Variants in HM13 observed in about 807,000 individuals in gnomAD.
HM13 encodes the protein histocompatibility minor 13, also known as signal peptide peptidase.
HM13 carries 18 observed loss-of-function variants against 50.0 expected under a neutral mutation model. That is an observed-to-expected ratio of 0.36 (90% CI 0.25 to 0.53). The LOEUF (loss-of-function observed/expected upper bound fraction) is 0.53. HM13 is among the 20% of genes least tolerant of loss of function. HM13 has a pLI of 0.90. For missense variants in HM13, 393 were observed against 552.4 expected (o/e 0.71, Z 2.89); for synonymous variants, 197 against 232.6 (o/e 0.85, Z 1.39).
At chr20:31,557,316 T>G (rs1035100494) in intron 8 of HM13, among the ~76,000 whole-genome samples, 1 of 152,200 alleles carries the variant, frequency 6.6e-6, no homozygotes. Flanking sequence ...CCACACAAAC[T>G]TCCCCTGTGT....
intron 1 of HM13, among the ~76,000 whole-genome samples, chr20:31,518,375 T>G (rs1981934102): frequency 2.0e-5 from 3 of 147,086 alleles, no homozygotes. Flanking sequence ...CCAGGCACAG[T>G]GGCTCATGCC....
intron 4 of HM13, chr20:31,547,420 C>G (rs774003924): frequency 3.0e-5 from 14 of 471,218 alleles, no homozygotes; most frequent in Non-Finnish European, 1.5e-5. Flanking sequence ...GCGTGGCGCC[C>G]GCGCCGGCCT....
At chr20:31,547,869 G>A in intron 4 of HM13, 1 of 979,918 alleles carries the variant, frequency 1.0e-6, no homozygotes, top group Non-Finnish European at 1.7e-6. Flanking sequence ...CTGGAGCTAA[G>A]CTGTACCCTG....
intron 4 of HM13, 84 bp from the exon 5 acceptor site, chr20:31,548,945 C>T (rs1252768241): frequency 8.4e-6 from 10 of 1,186,320 alleles, no homozygotes; most frequent in Non-Finnish European, 1.3e-5. Context: ...GTGCCCACAG[C>T]CATGCCCTCC....
rs199645566 is a variant in HM13, at chr20:31,518,664, AAT to A, written c.183+3933_183+3934del. Among the ~76,000 whole-genome samples the A allele has an allele frequency of 1.9e-4, 29 of 151,820 alleles. No individual in the cohort carries two copies. In the East Asian group the frequency reaches 5.1e-3, roughly 27 times the overall value. On this transcript the variant is annotated intron_variant, in intron 1 of 12. Coordinates refer to ENST00000398174, the MANE Select transcript of HM13 (RefSeq NM_178581.3). The stretch of plus-strand genomic sequence containing the variant: ...CCATCTCAAAAATAATAATAATAAT[AAT>A]ATGTTTCATTATTTTTCTATGTCAG...
chr20:31,540,539 T>C (rs955210826), intron 3 of HM13: 17 of 152,202 alleles, frequency 1.1e-4, no homozygotes, highest in Admixed American at 9.2e-4. Context: ...TTTAATGTTA[T>C]AGCAACAACC....
chr20:31,523,092 C>T (rs916289334), intron 1 of HM13, among the ~76,000 whole-genome samples: 13 of 150,114 alleles, frequency 8.7e-5, no homozygotes, highest in African/African-American at 2.7e-4. Flanking sequence ...GCTCTGTTGC[C>T]GAGGCTGGAG....
At chr20:31,533,910 T>C (rs1982964095) in intron 2 of HM13, among the ~76,000 whole-genome samples, 1 of 152,164 alleles carries the variant, frequency 6.6e-6, no homozygotes, top group Non-Finnish European at 1.5e-5. Flanking sequence ...GGCAGGGTCT[T>C]ACTCTTTCAC....
At chr20:31,558,593 C>A (rs966974287) in intron 8 of HM13, among the ~76,000 whole-genome samples, 7 of 152,046 alleles carry the variant, frequency 4.6e-5, no homozygotes, top group Non-Finnish European at 1.0e-4. Flanking sequence ...TCCTTCTTTC[C>A]CCTCCTTCAC....
At chr20:31,516,022 A>T (rs6088444) in intron 1 of HM13, among the ~76,000 whole-genome samples, 295 of 152,338 alleles carry the variant, frequency 1.9e-3, no homozygotes, top group Non-Finnish European at 3.3e-3. Context: ...AGAACTCACT[A>T]CTGGCTCTGT....
intron 7 of HM13, among the ~76,000 whole-genome samples, chr20:31,554,316 C>G (rs546632664): frequency 6.6e-6 from 1 of 151,226 alleles, no homozygotes; most frequent in African/African-American, 2.4e-5. Context: ...GAGCCAAGAT[C>G]GTGCCACTGC....
intron 2 of HM13, among the ~76,000 whole-genome samples, chr20:31,530,205 A>G (rs1982729368): frequency 6.6e-6 from 1 of 152,162 alleles, no homozygotes; most frequent in Non-Finnish European, 1.5e-5. Context: ...GCAACAGAGC[A>G]AAACTCCGTC....
chr20:31,538,621 T>C, intron 3 of HM13: 1 of 1,212,544 alleles, frequency 8.2e-7, no homozygotes, highest in Non-Finnish European at 1.0e-6. Flanking sequence ...CATGTTGGGC[T>C]CCTCACACAT....
intron 12 of HM13, among the ~76,000 whole-genome samples, chr20:31,568,814 C>T (rs1248451009): frequency 3.9e-5 from 6 of 152,216 alleles, no homozygotes; most frequent in Non-Finnish European, 8.8e-5. Context: ...CACGCTACAG[C>T]AGAAGGTTCA....
chr20:31,514,697 TCGG>T lies in HM13; in HGVS notation c.149_151del (p.Gly50del), dbSNP rs1239251598. On this transcript the variant is annotated inframe_deletion, in exon 1 of 13. Transcript: ENST00000398174. This position sits in a 1 kb window ranked among gnomAD's most constrained non-coding sequence, Gnocchi z 4.3. Reference sequence around the variant, plus strand: ...CTCATGGCGCTGCTGCCCATCTTCTTCGGCGCCCTGCGCTCCGTACGCTGCGCC... The same window carrying T: ...CTCATGGCGCTGCTGCCCATCTTCTTCGCCCTGCGCTCCGTACGCTGCGCC... 1 of 1,550,716 alleles carries T rather than the reference TCGG, an allele frequency of 6.4e-7. No homozygotes were observed. Among genetic ancestry groups the T allele is most frequent in the Non-Finnish European group, 8.7e-7 (1 of 1,148,268 alleles).
intron 3 of HM13, among the ~76,000 whole-genome samples, chr20:31,542,307 T>C (rs1390196887): frequency 6.6e-6 from 1 of 152,206 alleles, no homozygotes; most frequent in Non-Finnish European, 1.5e-5. Flanking sequence ...ATCATCTGTG[T>C]CTGAGCTCGT....
intron 1 of HM13, among the ~76,000 whole-genome samples, chr20:31,524,356 G>A (rs1982357528): frequency 6.6e-6 from 1 of 152,112 alleles, no homozygotes; most frequent in African/African-American, 2.4e-5. Flanking sequence ...ACAGAGCAAG[G>A]AATACCTTGG....
intron 2 of HM13, 132 bp from the exon 3 acceptor site, chr20:31,538,047 C>T: frequency 1.0e-6 from 1 of 1,000,894 alleles, no homozygotes; most frequent in Non-Finnish European, 1.5e-6. Context: ...CTAGTATTGT[C>T]TGAGACTCTT....
At chr20:31,527,945 T>C (rs1982594936) in intron 2 of HM13, 2 of 162,192 alleles carry the variant, frequency 1.2e-5, no homozygotes, top group South Asian at 1.9e-4. Context: ...ATAAAAGTTA[T>C]GCAGGCTCAG....
Sources: allele counts gnomAD v4.1 joint callset (sites outside exome capture counted in the v4.1 genomes callset), GRCh38; gene constraint gnomAD v4.1.1; non-coding constraint Gnocchi (gnomAD v3.1); transcripts MANE v1.5; gene names NCBI Gene and HGNC (gene_info 2026-07-23, HGNC 2026-07-21).